OSBPL6: variants seen among roughly 807,000 people sequenced by gnomAD.
OSBPL6 encodes oxysterol-binding protein-related protein 6.
A neutral mutation model predicts 125.8 loss-of-function variants in OSBPL6; 49 were observed. The observed-to-expected ratio is 0.39, with a 90% confidence interval of 0.31 to 0.49. OSBPL6 has a LOEUF of 0.49. Ranked by LOEUF, OSBPL6 falls within the 20% of genes least tolerant of loss-of-function variation. The pLI, the probability that OSBPL6 is intolerant of heterozygous loss-of-function variation, is 0.88. For synonymous variants in OSBPL6, 394 were observed against 391.8 expected (o/e 1.01, Z -0.07); for missense variants, 986 against 1,135.4 (o/e 0.87, Z 1.89).
At chr2:178,197,530 C>G (rs2088973314) in intron 1 of OSBPL6, among the ~76,000 whole-genome samples, 1 of 152,084 alleles carries the variant, frequency 6.6e-6, no homozygotes, top group African/African-American at 2.4e-5. Flanking sequence ...CCGATGGTGC[C>G]AAACCCTATG....
intron 1 of OSBPL6, among the ~76,000 whole-genome samples, chr2:178,276,428 A>G (rs2092470850): frequency 7.0e-6 from 1 of 142,786 alleles, no homozygotes; most frequent in African/African-American, 2.7e-5. Flanking sequence ...GCTAGAGTGC[A>G]GTGGCATGAT....
intron 4 of OSBPL6, among the ~76,000 whole-genome samples, chr2:178,324,615 T>C (rs1352603239): frequency 6.6e-6 from 1 of 152,148 alleles, no homozygotes; most frequent in Non-Finnish European, 1.5e-5. Flanking sequence ...GCAATAAAAA[T>C]AATAACAGCT....
In OSBPL6 at chr2:178,395,645, T is replaced by C; in HGVS notation, c.*86T>C. 1.8e-6 allele frequency: 2 copies of C among 1,094,084 alleles called. No homozygotes were observed. The highest frequency in any genetic ancestry group is 2.7e-6 in the Non-Finnish European group (2 of 740,320). 67.8% of individuals were successfully genotyped at this position (1,094,084 alleles called of 1,614,324 possible). A position where few individuals can be genotyped will look rare whatever the true frequency, so the allele number is the denominator to read the frequency against. The stretch of plus-strand genomic sequence containing the variant: ...TTATGTTTCTTATAGCTATGTGTGG[T>C]TTCTGGGTCAACTGAAAACCTACCA... On this transcript the variant is annotated 3_prime_UTR_variant, in exon 25 of 25. Coordinates refer to ENST00000190611, the MANE Select transcript of OSBPL6 (RefSeq NM_032523.4).
At position 178,349,227 on chromosome 2, in the gene OSBPL6, C is replaced by G; in HGVS notation, c.991C>G (p.Pro331Ala). 6.2e-7 allele frequency: 1 copy of G among 1,613,972 alleles called. No individual in the cohort carries two copies. The highest frequency in any genetic ancestry group is 8.5e-7 in the Non-Finnish European group (1 of 1,179,834). ...AATTTGTATCTTCCCCTTTCAGGTT[C>G]CTTTCAGTGCTACCATGTCACCAGT... ...SKDTKIQLQVPFSATMSPVRL... is the reference protein window; with the variant it reads ...SKDTKIQLQVAFSATMSPVRL... Residue 331 changes from proline to alanine, a missense_variant, in exon 12 of 25, where the codon CCT becomes GCT. This residue lies in a region of OSBPL6 where 843 missense variants were observed against 997.3 expected (regional missense o/e 0.85). Transcript: ENST00000190611.
intron 1 of OSBPL6, among the ~76,000 whole-genome samples, chr2:178,212,318 G>T (rs1258338283): frequency 6.6e-6 from 1 of 152,158 alleles, no homozygotes; most frequent in South Asian, 2.1e-4. Context: ...CTGAGCCTGC[G>T]CTAATTTGTG....
Position 178,311,321 on chromosome 2 carries a change from A to G in OSBPL6, c.102+5035A>G, listed in dbSNP as rs188539726. Reference sequence around the variant, plus strand: ...TACACTTGGCTCAGTCTCCAAATATACCCTCCTTGGGCAGCCTTCTCTGCC... The same window carrying G: ...TACACTTGGCTCAGTCTCCAAATATGCCCTCCTTGGGCAGCCTTCTCTGCC... On this transcript the variant is annotated intron_variant, in intron 3 of 24. Transcript: ENST00000190611. Among the ~76,000 whole-genome samples, 48 of 151,032 alleles carry G rather than the reference A, an allele frequency of 3.2e-4. 1 individual carries two copies. The East Asian group carries it at 9.0e-3, about 28-fold the overall frequency.
chr2:178,378,441 A>G (rs1050310794), intron 15 of OSBPL6, among the ~76,000 whole-genome samples: 2 of 152,152 alleles, frequency 1.3e-5, no homozygotes, highest in African/African-American at 4.8e-5. Flanking sequence ...AATCCTCTTT[A>G]TATGTTATTT....
chr2:178,324,236 A>G lies in OSBPL6; in HGVS notation c.162A>G (p.Gln54=). 1 of 1,580,794 alleles carries G rather than the reference A, an allele frequency of 6.3e-7. No homozygotes were observed. The highest frequency in any genetic ancestry group is 8.6e-7 in the Non-Finnish European group (1 of 1,157,668). Residue 54 remains glutamine (Q), a synonymous_variant, in exon 4 of 25, where the codon CAA becomes CAG. Coordinates refer to ENST00000190611, the MANE Select transcript of OSBPL6 (RefSeq NM_032523.4). ...SSSTEPSVSR[Q]LLEPEPVPLS... Reference sequence around the variant, plus strand: ...GCACCGAGCCCTCTGTAAGTCGGCAATTGCTAGAACCGGAGCCAGTCCCCC... The same window carrying G: ...GCACCGAGCCCTCTGTAAGTCGGCAGTTGCTAGAACCGGAGCCAGTCCCCC...
At chr2:178,363,315 A>G (rs1016584734) in intron 13 of OSBPL6, among the ~76,000 whole-genome samples, 1 of 152,176 alleles carries the variant, frequency 6.6e-6, no homozygotes, top group Non-Finnish European at 1.5e-5. Context: ...AAATTTTACA[A>G]CAGTTATTCA....
At chr2:178,365,157 T>C (rs1692711680) in intron 13 of OSBPL6, among the ~76,000 whole-genome samples, 1 of 151,720 alleles carries the variant, frequency 6.6e-6, no homozygotes, top group South Asian at 2.1e-4. Flanking sequence ...GCCTGAGCAA[T>C]GAGAGTGAAA....
At chr2:178,353,260 T>A (rs1691452835) in intron 12 of OSBPL6, among the ~76,000 whole-genome samples, 1 of 152,172 alleles carries the variant, frequency 6.6e-6, no homozygotes. Context: ...TGAGTTGGCA[T>A]AAGTAGGCTT....
chr2:178,306,527 C>T (rs1411670535), intron 3 of OSBPL6, among the ~76,000 whole-genome samples: 8 of 152,152 alleles, frequency 5.3e-5, no homozygotes, highest in African/African-American at 1.9e-4. Flanking sequence ...CTATGAGAAG[C>T]CCTGCCGTCT....
At chr2:178,240,922 A>G (rs904815975) in intron 1 of OSBPL6, among the ~76,000 whole-genome samples, 1 of 152,172 alleles carries the variant, frequency 6.6e-6, no homozygotes, top group Admixed American at 6.5e-5. Flanking sequence ...TCAGTAATCC[A>G]TCTTATCCAT....
At chr2:178,305,975 T>G (rs1231990980) in intron 2 of OSBPL6, 55 bp from the exon 3 acceptor site, 2 of 399,712 alleles carry the variant, frequency 5.0e-6, no homozygotes, top group Non-Finnish European at 8.9e-6. Flanking sequence ...CTAAAGATAA[T>G]GATTTTAATT....
At chr2:178,305,623 G>A (rs933662209) in intron 2 of OSBPL6, among the ~76,000 whole-genome samples, 5 of 152,200 alleles carry the variant, frequency 3.3e-5, no homozygotes, top group African/African-American at 4.8e-5. Flanking sequence ...TGGATTAACC[G>A]TCACATACAT....
intron 9 of OSBPL6, among the ~76,000 whole-genome samples, chr2:178,337,156 C>T (rs1689757863): frequency 6.6e-6 from 1 of 152,102 alleles, no homozygotes; most frequent in Admixed American, 6.5e-5. Context: ...ACCTTCAAAA[C>T]CGAGAAAAAC....
At chr2:178,268,668 G>A (rs968473961) in intron 1 of OSBPL6, among the ~76,000 whole-genome samples, 4 of 151,996 alleles carry the variant, frequency 2.6e-5, no homozygotes, top group Non-Finnish European at 5.9e-5. Context: ...CCATGTTGTT[G>A]CATGCTGTTG....
At chr2:178,370,639 T>A (rs1360365829) in intron 13 of OSBPL6, among the ~76,000 whole-genome samples, 2 of 152,222 alleles carry the variant, frequency 1.3e-5, no homozygotes, top group Non-Finnish European at 2.9e-5. Flanking sequence ...AAGAATGTTA[T>A]CACCTTTTTT....
chr2:178,221,332 A>G (rs1339450097), intron 1 of OSBPL6, among the ~76,000 whole-genome samples: 2 of 152,236 alleles, frequency 1.3e-5, no homozygotes, highest in African/African-American at 2.4e-5. Context: ...AGTGTAGGGT[A>G]GAAACATCAC....
Sources: allele counts gnomAD v4.1 joint callset (sites outside exome capture counted in the v4.1 genomes callset), GRCh38; gene constraint gnomAD v4.1.1; regional missense constraint gnomAD v4.1.1; transcripts MANE v1.5; gene names NCBI Gene and HGNC (gene_info 2026-07-23, HGNC 2026-07-21).